The following PSTPIP2 variants were observed in gnomAD, a reference collection of about 807,000 sequenced individuals.
The protein encoded by PSTPIP2 is proline-serine-threonine phosphatase-interacting protein 2.
In PSTPIP2, 33 loss-of-function variants were observed where a neutral mutation model predicts 63.3. The ratio of observed to expected loss-of-function variants is 0.52; its 90% CI spans 0.40 to 0.70. PSTPIP2 has a LOEUF of 0.70. Among genes scored for constraint, PSTPIP2 ranks in the 30% least tolerant of loss-of-function variants. PSTPIP2 has a pLI of 0.00. For synonymous variants in PSTPIP2, 125 were observed against 132.7 expected, an observed-to-expected ratio of 0.94 and a Z score of 0.40; for missense variants, 312 against 400.7, an observed-to-expected ratio of 0.78 and a Z score of 1.89.
At chr18:46,065,886 G>T (rs1300590571) in intron 1 of PSTPIP2, among the ~76,000 whole-genome samples, 1 of 151,984 alleles carries the variant, frequency 6.6e-6, no homozygotes, top group Admixed American at 6.6e-5. Flanking sequence ...ACAGGCATGA[G>T]CCACTGTGCC....
chr18:45,993,730 A>C, intron 9 of PSTPIP2, 27 bp from the exon 10 acceptor site: 1 of 1,584,228 alleles, frequency 6.3e-7, no homozygotes, highest in Non-Finnish European at 8.7e-7. Flanking sequence ...ACGTGTACAT[A>C]GATATGCAAG....
intron 2 of PSTPIP2, chr18:46,029,370 A>C: frequency 6.4e-7 from 1 of 1,559,230 alleles, no homozygotes; most frequent in Non-Finnish European, 8.8e-7. Context: ...TGCAGCATCC[A>C]CGTTCTCTTC....
At chr18:46,066,952 G>A (rs983008911) in intron 1 of PSTPIP2, among the ~76,000 whole-genome samples, 3 of 150,706 alleles carry the variant, frequency 2.0e-5, no homozygotes, top group East Asian at 2.0e-4. Context: ...GCTTGAACCC[G>A]GGAGGCAGAG....
intron 14 of PSTPIP2, among the ~76,000 whole-genome samples, chr18:45,986,947 C>T (rs1434787813): frequency 1.3e-5 from 2 of 152,180 alleles, no homozygotes; most frequent in Non-Finnish European, 2.9e-5. Flanking sequence ...GAGTGATTCT[C>T]CTGCCTCAGG....
intron 8 of PSTPIP2, 122 bp downstream of exon 8, chr18:45,998,672 C>T: frequency 2.0e-6 from 2 of 977,386 alleles, no homozygotes; most frequent in South Asian, 1.7e-5. Context: ...TCTCACTAAT[C>T]CTGCTGAATA....
chr18:46,016,233 C>T lies in PSTPIP2; in HGVS notation c.213-296G>A, dbSNP rs928534929. 25 of 313,828 alleles carry T rather than the reference C, an allele frequency of 8.0e-5. 1 individual carries two copies. Among genetic ancestry groups the T allele is most frequent in the South Asian group, 2.1e-4 (4 of 18,610 alleles). The allele number at this position is 313,828 out of a possible 1,614,324, so 19.4% of individuals were successfully genotyped here. A position where few individuals can be genotyped will look rare whatever the true frequency, so the allele number is the denominator to read the frequency against. On this transcript the variant is annotated intron_variant, in intron 3 of 14. Coordinates refer to ENST00000409746, the MANE Select transcript of PSTPIP2 (RefSeq NM_024430.4). ...TTATGATCCTTTTCTCATAAGAATA[C>T]CAGTGATTCTTTAAAGTATGGCAAG...
chr18:46,037,510 C>T (rs1908024179), intron 2 of PSTPIP2, among the ~76,000 whole-genome samples: 1 of 152,130 alleles, frequency 6.6e-6, no homozygotes, highest in Non-Finnish European at 1.5e-5. Context: ...ATGTTTCAGT[C>T]ATATTAGATG....
At chr18:46,065,721 T>C (rs765244940) in intron 1 of PSTPIP2, among the ~76,000 whole-genome samples, 18 of 152,238 alleles carry the variant, frequency 1.2e-4, no homozygotes, top group Non-Finnish European at 2.4e-4. Context: ...TGTCTCAGCC[T>C]CTGAAAGTGC....
intron 1 of PSTPIP2, among the ~76,000 whole-genome samples, chr18:46,045,515 G>T (rs901169284): frequency 4.6e-5 from 7 of 151,892 alleles, no homozygotes; most frequent in Non-Finnish European, 2.9e-5. Flanking sequence ...CTGTTGTGGG[G>T]TAGGGGGAGG....
intron 2 of PSTPIP2, among the ~76,000 whole-genome samples, chr18:46,038,008 A>G (rs1599733010): frequency 6.6e-6 from 1 of 152,148 alleles, no homozygotes; most frequent in African/African-American, 2.4e-5. Context: ...AGCGTTTTTC[A>G]ACTGTGGGTC....
intron 14 of PSTPIP2, 126 bp from the exon 15 acceptor site, chr18:45,985,576 G>T: frequency 2.4e-6 from 2 of 850,170 alleles, no homozygotes; most frequent in Non-Finnish European, 3.6e-6. Context: ...TGAGGAATGG[G>T]TATTCCAAGC....
chr18:46,020,651 CA>C lies in PSTPIP2; in HGVS notation c.212+3957del, dbSNP rs377491755. Reference sequence around the variant, plus strand: ...TGGGTGACAGAGTGAGACTCCATCTCAAAAAAAAAATCATCCACTGTCTTCT... The same window carrying C: ...TGGGTGACAGAGTGAGACTCCATCTCAAAAAAAAATCATCCACTGTCTTCT... On this transcript the variant is annotated intron_variant, in intron 3 of 14. Coordinates refer to ENST00000409746, the MANE Select transcript of PSTPIP2 (RefSeq NM_024430.4). Among the ~76,000 whole-genome samples the C allele has an allele frequency of 3.1e-4, 46 of 148,844 alleles. No homozygotes were observed. In the East Asian group the frequency reaches 7.8e-3, roughly 25 times the overall value.
chr18:46,007,221 A>G (rs1304722001), intron 5 of PSTPIP2, among the ~76,000 whole-genome samples: 2 of 152,276 alleles, frequency 1.3e-5, no homozygotes, highest in Non-Finnish European at 2.9e-5. Context: ...AATTTTGAAG[A>G]TATCCGGAAG....
chr18:46,021,597 T>C (rs1423338426), intron 3 of PSTPIP2, among the ~76,000 whole-genome samples: 1 of 151,612 alleles, frequency 6.6e-6, no homozygotes, highest in Non-Finnish European at 1.5e-5. Flanking sequence ...TTAAAATCCA[T>C]TCCCTGCCAG....
At chr18:46,067,992 C>T (rs1350220715) in intron 1 of PSTPIP2, among the ~76,000 whole-genome samples, 1 of 151,786 alleles carries the variant, frequency 6.6e-6, no homozygotes, top group Non-Finnish European at 1.5e-5. Flanking sequence ...TGTATTCTTT[C>T]TGTATTTTTT....
At chr18:46,030,775 T>C (rs1907762855) in intron 2 of PSTPIP2, among the ~76,000 whole-genome samples, 1 of 152,240 alleles carries the variant, frequency 6.6e-6, no homozygotes, top group African/African-American at 2.4e-5. Flanking sequence ...GGACTTTATA[T>C]TGGACTGACA....
intron 2 of PSTPIP2, chr18:46,028,999 A>G (rs1347192723): frequency 4.6e-6 from 4 of 874,300 alleles, no homozygotes; most frequent in Non-Finnish European, 7.9e-6. Flanking sequence ...TTGTGCACAG[A>G]TTGTGATGGT....
intron 6 of PSTPIP2, among the ~76,000 whole-genome samples, chr18:46,003,419 C>T (rs1456088122): frequency 6.6e-6 from 1 of 152,142 alleles, no homozygotes; most frequent in African/African-American, 2.4e-5. Context: ...AGACTCTCCA[C>T]TTGGCCTTTG....
chr18:46,044,654 AAATGGGATCT>A (rs1325625019), intron 1 of PSTPIP2, among the ~76,000 whole-genome samples: 2 of 152,068 alleles, frequency 1.3e-5, no homozygotes, highest in Non-Finnish European at 2.9e-5. Flanking sequence ...CAAAATTGAC[AAATGGGATCT>A]AATTCAACTA....
Sources: allele counts gnomAD v4.1 joint callset (sites outside exome capture counted in the v4.1 genomes callset), GRCh38; gene constraint gnomAD v4.1.1; transcripts MANE v1.5; gene names NCBI Gene and HGNC (gene_info 2026-07-23, HGNC 2026-07-21).